Variants in RALGAPA2 observed in about 807,000 individuals in gnomAD.
RALGAPA2 encodes Ral GTPase activating protein catalytic subunit alpha 2, also known as ral GTPase-activating protein subunit alpha-2.
In RALGAPA2, 139 loss-of-function variants were observed where a neutral mutation model predicts 230.4. That is an observed-to-expected ratio of 0.60 (90% CI 0.53 to 0.69). The LOEUF (loss-of-function observed/expected upper bound fraction) is 0.69, where lower values mean the gene tolerates loss of function less well. Ranked by LOEUF, RALGAPA2 falls within the 30% of genes least tolerant of loss-of-function variation. The probability of loss-of-function intolerance (pLI) is 0.00; values close to 1 mark genes in which losing one functional copy is unlikely to be tolerated. For synonymous variants in RALGAPA2, 847 were observed against 837.8 expected (o/e 1.01, Z -0.19); for missense variants, 2,163 against 2,276.0 (o/e 0.95, Z 1.01).
chr20:20,691,584 A>G (rs1032160874), intron 1 of RALGAPA2, among the ~76,000 whole-genome samples: 6 of 152,234 alleles, frequency 3.9e-5, no homozygotes, highest in African/African-American at 1.4e-4. Flanking sequence ...CAGTCCAATC[A>G]GGCTTTGACA....
At chr20:20,696,108 A>G (rs574390102) in intron 1 of RALGAPA2, among the ~76,000 whole-genome samples, 55 of 152,264 alleles carry the variant, frequency 3.6e-4, no homozygotes, top group Admixed American at 2.9e-3. Context: ...ACATGGCCCA[A>G]TGTACTCCAG....
rs186948716 is a variant in RALGAPA2, at chr20:20,535,821, A to G, written c.3415-18T>C. The G allele has an allele frequency of 1.8e-5, 28 of 1,542,364 alleles. No homozygotes were observed. The highest frequency in any genetic ancestry group is 2.4e-5 in the Non-Finnish European group (27 of 1,142,986). On this transcript the variant is annotated intron_variant, in intron 25 of 39. Coordinates refer to ENST00000202677, the MANE Select transcript of RALGAPA2 (RefSeq NM_020343.4). The stretch of plus-strand genomic sequence containing the variant: ...AGGTAATGCTAAAAACACAAAATTA[A>G]GTAAAATAAAAACTTTGTGTCATAG...
chr20:20,545,787 C>A (rs1383389819), intron 24 of RALGAPA2, among the ~76,000 whole-genome samples: 1 of 152,176 alleles, frequency 6.6e-6, no homozygotes, highest in African/African-American at 2.4e-5. Flanking sequence ...TTGCTTTGGC[C>A]ATGTGCAGTG....
intron 38 of RALGAPA2, among the ~76,000 whole-genome samples, chr20:20,411,239 C>A (rs1337479374): frequency 6.6e-6 from 1 of 152,086 alleles, no homozygotes; most frequent in Non-Finnish European, 1.5e-5. Flanking sequence ...CCCATTTATT[C>A]TCTGAAAGGC....
In RALGAPA2 at chr20:20,495,246, A is replaced by G. The variant is rs1265217512; in HGVS notation, c.5238T>C (p.His1746=). ...CTCTGGAGTGTTCAGACCAGACGAT[A>G]TGGACCTCGTCATTCCCCAAGTGAC... ...KLRHLGNDEV[H]IVWSEHSRDY... The change falls in exon 36 of 40, where the codon CAT becomes CAC. Residue 1746 remains histidine (H), a synonymous_variant. Coordinates refer to ENST00000202677, the MANE Select transcript of RALGAPA2 (RefSeq NM_020343.4). 1 of 1,554,474 alleles carries G rather than the reference A, an allele frequency of 6.4e-7. No homozygotes were observed. Among genetic ancestry groups the G allele is most frequent in the Non-Finnish European group, 8.8e-7 (1 of 1,140,108 alleles).
At chr20:20,458,505 A>G (rs902422849) in intron 37 of RALGAPA2, among the ~76,000 whole-genome samples, 1 of 138,754 alleles carries the variant, frequency 7.2e-6, no homozygotes, top group Non-Finnish European at 1.5e-5. Flanking sequence ...TATATTATAT[A>G]TAATATATAT....
intron 37 of RALGAPA2, among the ~76,000 whole-genome samples, chr20:20,441,133 T>C (rs188603938): frequency 1.7e-3 from 254 of 151,268 alleles, no homozygotes; most frequent in African/African-American, 5.4e-3. Flanking sequence ...AAAGCCGAAT[T>C]TAATGGAGTG....
chr20:20,623,539 A>G (rs1217305829), intron 10 of RALGAPA2, among the ~76,000 whole-genome samples: 1 of 151,792 alleles, frequency 6.6e-6, no homozygotes, highest in African/African-American at 2.4e-5. Flanking sequence ...AGAGTAGGAT[A>G]CTCTTCCAAA....
At chr20:20,639,501 C>T (rs151313335) in intron 7 of RALGAPA2, among the ~76,000 whole-genome samples, 7 of 152,226 alleles carry the variant, frequency 4.6e-5, no homozygotes, top group African/African-American at 1.4e-4. Context: ...CCTCTGGGCC[C>T]GCCTCCTCCT....
chr20:20,530,633 C>A (rs574647320), intron 27 of RALGAPA2, among the ~76,000 whole-genome samples: 5 of 152,246 alleles, frequency 3.3e-5, no homozygotes, highest in Non-Finnish European at 7.4e-5. Context: ...CAGTCCCAGG[C>A]GTCAGCTGTA....
intron 1 of RALGAPA2, among the ~76,000 whole-genome samples, chr20:20,696,953 C>G (rs1193496854): frequency 2.6e-5 from 4 of 152,120 alleles, no homozygotes; most frequent in African/African-American, 4.8e-5. Context: ...CCAGGTTGGT[C>G]TTGAACTCCT....
intron 1 of RALGAPA2, among the ~76,000 whole-genome samples, chr20:20,682,786 C>T (rs569946478): frequency 6.6e-6 from 1 of 152,202 alleles, no homozygotes; most frequent in Non-Finnish European, 1.5e-5. Flanking sequence ...TTAGCCTACA[C>T]ATACAATGAT....
At chr20:20,667,960 C>T (rs1334054200) in intron 3 of RALGAPA2, among the ~76,000 whole-genome samples, 2 of 152,182 alleles carry the variant, frequency 1.3e-5, no homozygotes, top group African/African-American at 4.8e-5. Context: ...TCCCCTCAGC[C>T]AAGGGCACTC....
chr20:20,591,293 G>C lies in RALGAPA2; in HGVS notation c.2225C>G (p.Ser742Ter), dbSNP rs1455779896. ...KATEVEECQQ[S>*]ENAPAAGSGH... ...AGATCCGGCTGCAGGTGCATTTTCT[G>C]ACTGTTGACACTCCTCCACTTCTGT... Residue 742 changes from serine (S) to a stop codon, truncating the protein, a stop_gained, in exon 17 of 40, where the codon TCA (serine) becomes TGA (stop). Transcript: ENST00000202677. LOFTEE classifies it high-confidence loss of function. The C allele has an allele frequency of 1.2e-6, 2 of 1,613,728 alleles. No homozygotes were observed. Among genetic ancestry groups the C allele is most frequent in the Non-Finnish European group, 1.7e-6 (2 of 1,179,828 alleles).
chr20:20,396,288 GGCT>G (rs551990102), intron 39 of RALGAPA2, among the ~76,000 whole-genome samples: 537 of 152,372 alleles, frequency 3.5e-3, no homozygotes, highest in Non-Finnish European at 5.0e-3. Context: ...CCTCCATTAA[GGCT>G]GGCGGTCAAA....
At chr20:20,650,548 C>A (rs1164126383) in intron 4 of RALGAPA2, among the ~76,000 whole-genome samples, 12 of 152,198 alleles carry the variant, frequency 7.9e-5, no homozygotes, top group South Asian at 2.1e-4. Context: ...CCCCCACCAG[C>A]TGCAGTAACA....
chr20:20,683,716 C>T (rs574358103), intron 1 of RALGAPA2, among the ~76,000 whole-genome samples: 5 of 152,312 alleles, frequency 3.3e-5, no homozygotes, highest in East Asian at 1.9e-4. Flanking sequence ...CTCAAAGACT[C>T]GGCGCAGCCC....
chr20:20,502,173 G>A (rs1040180954), intron 35 of RALGAPA2, among the ~76,000 whole-genome samples: 1 of 152,178 alleles, frequency 6.6e-6, no homozygotes, highest in African/African-American at 2.4e-5. Context: ...TATCCAATTT[G>A]TAAAAAATGT....
intron 35 of RALGAPA2, among the ~76,000 whole-genome samples, 176 bp from the exon 36 acceptor site, chr20:20,495,451 C>T (rs554183767): frequency 3.0e-4 from 45 of 152,364 alleles, no homozygotes; most frequent in African/African-American, 1.0e-3. Context: ...CATAAAAACA[C>T]AGCCTGTCTT....
Sources: allele counts gnomAD v4.1 joint callset (sites outside exome capture counted in the v4.1 genomes callset), GRCh38; gene constraint gnomAD v4.1.1; transcripts MANE v1.5; gene names NCBI Gene and HGNC (gene_info 2026-07-23, HGNC 2026-07-21).